Variants in ATR observed in about 807,000 individuals in gnomAD.
ATR encodes the protein serine/threonine-protein kinase ATR.
ATR carries 142 observed loss-of-function variants against 305.3 expected under a neutral mutation model. The observed-to-expected ratio is 0.47, with a 90% CI of 0.41 to 0.53. ATR has a LOEUF of 0.53. ATR is among the 20% of genes least tolerant of loss of function. The probability of loss-of-function intolerance (pLI) is 0.00; values close to 1 mark genes in which losing one functional copy is unlikely to be tolerated. For missense variants in ATR, 2,135 were observed against 3,133.1 expected, an observed-to-expected ratio of 0.68 and a Z score of 7.60; for synonymous variants, 1,050 against 1,068.1, an observed-to-expected ratio of 0.98 and a Z score of 0.33.
chr3:142,524,135 G>A lies in ATR; in HGVS notation c.4010C>T (p.Thr1337Ile), dbSNP rs1214501226. 8.1e-6 allele frequency: 13 copies of A among 1,614,022 alleles called. No homozygotes were observed. The highest frequency in any genetic ancestry group is 7.7e-5 in the South Asian group (7 of 91,086). The change falls in exon 22 of 47, where the codon ACA becomes ATA. Residue 1337 changes from threonine to isoleucine, a missense_variant. Around this residue, in one of 9 missense-constraint regions of ATR, gnomAD observed 530 missense variants for 766.8 expected, o/e 0.69. Transcript: ENST00000350721. The stretch of plus-strand genomic sequence containing the variant: ...ATCTTGGCAACCTTTCAAAAGCACT[G>A]TCACCAACTGTGAGATAATAGGTTC... ...TVEPIISQLV[T>I]VLLKGCQDAN...
chr3:142,566,313 C>A, intron 2 of ATR, 52 bp from the exon 3 acceptor site: 1 of 1,592,262 alleles, frequency 6.3e-7, no homozygotes, highest in Non-Finnish European at 8.6e-7. Flanking sequence ...AACAATGGTC[C>A]TTTTGTTAAG....
At chr3:142,535,483 A>C (rs1346489260) in intron 20 of ATR, among the ~76,000 whole-genome samples, 1 of 152,200 alleles carries the variant, frequency 6.6e-6, no homozygotes, top group African/African-American at 2.4e-5. Context: ...CAGGAAGTAC[A>C]AGTTTCCCTT....
intron 36 of ATR, among the ~76,000 whole-genome samples, chr3:142,478,799 A>G (rs2030159301): frequency 6.6e-6 from 1 of 152,078 alleles, no homozygotes; most frequent in Non-Finnish European, 1.5e-5. Flanking sequence ...TATATTTAGG[A>G]TAGTTAGCTC....
intron 1 of ATR, among the ~76,000 whole-genome samples, chr3:142,574,239 C>A (rs1035993406): frequency 6.6e-6 from 1 of 151,500 alleles, no homozygotes; most frequent in Non-Finnish European, 1.5e-5. Flanking sequence ...CTGAGGTGGG[C>A]GGATCACTTG....
At chr3:142,542,529 A>C in intron 17 of ATR, 136 bp downstream of exon 17, 1 of 857,568 alleles carries the variant, frequency 1.2e-6, no homozygotes, top group Non-Finnish European at 1.9e-6. Flanking sequence ...CTCCCAAAAA[A>C]CGTATATGAG....
At chr3:142,493,969 G>A (rs947987043) in intron 34 of ATR, among the ~76,000 whole-genome samples, 2 of 150,822 alleles carry the variant, frequency 1.3e-5, no homozygotes, top group Non-Finnish European at 2.9e-5. Flanking sequence ...AGGAGTCCAA[G>A]GCATCAGTGA....
chr3:142,511,239 A>G (rs900319581), intron 27 of ATR, among the ~76,000 whole-genome samples: 1 of 152,146 alleles, frequency 6.6e-6, no homozygotes, highest in Non-Finnish European at 1.5e-5. Context: ...GGAAACATAT[A>G]ATATGTTAAC....
At chr3:142,537,584 A>T (rs2033903351) in intron 19 of ATR, among the ~76,000 whole-genome samples, 1 of 152,204 alleles carries the variant, frequency 6.6e-6, no homozygotes, top group Non-Finnish European at 1.5e-5. Flanking sequence ...AAACACATTA[A>T]CTTTTCCTTC....
chr3:142,503,264 A>AT, intron 30 of ATR, 98 bp downstream of exon 30: 1 of 874,416 alleles, frequency 1.1e-6, no homozygotes, highest in Non-Finnish European at 1.8e-6. Context: ...CACATAAAAC[A>AT]TTTATTACTC....
intron 45 of ATR, among the ~76,000 whole-genome samples, chr3:142,456,763 A>C (rs2070917974): frequency 6.6e-6 from 1 of 152,194 alleles, no homozygotes; most frequent in Non-Finnish European, 1.5e-5. Flanking sequence ...TGGCTAAAAT[A>C]AAAAAGGCAG....
At chr3:142,470,310 T>A (rs560045256) in intron 36 of ATR, 127 bp from the exon 37 acceptor site, 45 of 819,788 alleles carry the variant, frequency 5.5e-5, no homozygotes, top group Non-Finnish European at 7.9e-5. Flanking sequence ...TATTTCTTCC[T>A]AGAAGTTATT....
At chr3:142,542,334 G>GA (rs1314597482) in intron 17 of ATR, among the ~76,000 whole-genome samples, 1 of 152,158 alleles carries the variant, frequency 6.6e-6, no homozygotes, top group Admixed American at 6.5e-5. Flanking sequence ...AGCCAACCCA[G>GA]ATGAATCTGA....
At chr3:142,450,351 C>A (rs1004117119) in intron 46 of ATR, 101 of 1,290,066 alleles carry the variant, frequency 7.8e-5, no homozygotes, top group Non-Finnish European at 1.0e-4. Flanking sequence ...CCAGTTCATT[C>A]AAGACAGTGT....
intron 41 of ATR, among the ~76,000 whole-genome samples, chr3:142,463,164 TACTA>T (rs1047168786): frequency 6.6e-6 from 1 of 152,194 alleles, no homozygotes. Flanking sequence ...GTAAATATGT[TACTA>T]ACTAAGTTAG....
At chr3:142,503,203 A>C (rs2032068405) in intron 30 of ATR, among the ~76,000 whole-genome samples, 159 bp downstream of exon 30, 1 of 152,196 alleles carries the variant, frequency 6.6e-6, no homozygotes, top group South Asian at 2.1e-4. Context: ...ACTGACTATG[A>C]AAAACTTGAG....
chr3:142,501,447 T>C (rs777514920), intron 30 of ATR, among the ~76,000 whole-genome samples: 3 of 152,210 alleles, frequency 2.0e-5, no homozygotes, highest in Non-Finnish European at 4.4e-5. Context: ...AACAGTGAAC[T>C]TCTCTGCCCT....
intron 36 of ATR, among the ~76,000 whole-genome samples, chr3:142,471,859 T>C (rs75701434): frequency 0.04 from 6,084 of 152,206 alleles, 401 homozygotes; most frequent in African/African-American, 0.14. Context: ...AAGTTTTATG[T>C]CCTTTGACCA....
At chr3:142,518,382 C>T (rs1262130558) in intron 24 of ATR, among the ~76,000 whole-genome samples, 1 of 152,072 alleles carries the variant, frequency 6.6e-6, no homozygotes, top group South Asian at 2.1e-4. Flanking sequence ...CCAGGCATGG[C>T]GGTGCACGCC....
intron 30 of ATR, chr3:142,500,062 G>A: frequency 4.6e-6 from 1 of 215,656 alleles, no homozygotes; most frequent in Non-Finnish European, 9.3e-6. Context: ...CAAAGAGCAA[G>A]GAAGAAAAAG....
Sources: allele counts gnomAD v4.1 joint callset (sites outside exome capture counted in the v4.1 genomes callset), GRCh38; gene constraint gnomAD v4.1.1; regional missense constraint gnomAD v4.1.1; transcripts MANE v1.5; gene names NCBI Gene and HGNC (gene_info 2026-07-23, HGNC 2026-07-21).